PHF20: variants seen among roughly 807,000 people sequenced by gnomAD.
PHF20 encodes PHD finger protein 20.
Under a neutral mutation model 113.5 loss-of-function variants are expected in PHF20, and 23 were observed. The ratio of observed to expected loss-of-function variants is 0.20; its 90% CI spans 0.15 to 0.29. The LOEUF is 0.29. Among genes scored for constraint, PHF20 ranks in the 10% least tolerant of loss-of-function variants. PHF20 has a pLI of 1.00. For missense variants in PHF20, 943 were observed against 1,219.6 expected, an observed-to-expected ratio of 0.77 and a Z score of 3.38; for synonymous variants, 434 against 457.3, an observed-to-expected ratio of 0.95 and a Z score of 0.65.
At chr20:35,939,249 C>CA in intron 16 of PHF20, 141 bp downstream of exon 16, 1 of 1,005,046 alleles carries the variant, frequency 9.9e-7, no homozygotes, top group Admixed American at 3.4e-5. Context: ...TTTGGTTTGC[C>CA]AAAATGGGTG....
intron 15 of PHF20, among the ~76,000 whole-genome samples, chr20:35,935,368 C>G (rs548811973): frequency 2.9e-4 from 44 of 152,088 alleles, no homozygotes; most frequent in Non-Finnish European, 6.2e-4. Context: ...CTTGCCCTTT[C>G]TTTTTTTATG....
At chr20:35,892,198 C>T (rs921270564) in intron 9 of PHF20, among the ~76,000 whole-genome samples, 12 of 150,630 alleles carry the variant, frequency 8.0e-5, no homozygotes, top group African/African-American at 2.7e-4. Flanking sequence ...GATGGGACTA[C>T]AGGCATGCAC....
At chr20:35,829,895 G>A (rs111633860) in intron 2 of PHF20, among the ~76,000 whole-genome samples, 7 of 150,386 alleles carry the variant, frequency 4.7e-5, no homozygotes, top group African/African-American at 1.5e-4. Context: ...GAGCCACCAC[G>A]CCCAGCCCAA....
intron 4 of PHF20, among the ~76,000 whole-genome samples, chr20:35,852,006 C>T (rs1219583604): frequency 6.6e-6 from 1 of 152,088 alleles, no homozygotes; most frequent in East Asian, 1.9e-4. Context: ...AGGCCCTGTG[C>T]TAGGTTGTTT....
intron 1 of PHF20, among the ~76,000 whole-genome samples, chr20:35,782,760 T>C (rs925698138): frequency 6.6e-6 from 1 of 152,232 alleles, no homozygotes; most frequent in African/African-American, 2.4e-5. Context: ...AGGCAGAACT[T>C]TCCAGCCTAG....
intron 6 of PHF20, among the ~76,000 whole-genome samples, chr20:35,864,407 A>AACACACACACACACACACACAC (rs376477234): frequency 2.3e-5 from 3 of 132,428 alleles, no homozygotes; most frequent in Non-Finnish European, 1.6e-5. Flanking sequence ...CCCATCTCAA[A>AACACACACACACACACACACAC]ACACACACAC....
chr20:35,795,892 C>G (rs962354459), intron 1 of PHF20, among the ~76,000 whole-genome samples: 1 of 152,164 alleles, frequency 6.6e-6, no homozygotes, highest in East Asian at 1.9e-4. Context: ...ACTCTGTCGC[C>G]CAGGCTGGAG....
chr20:35,806,386 C>A (rs1402845438), intron 2 of PHF20, among the ~76,000 whole-genome samples: 1 of 151,016 alleles, frequency 6.6e-6, no homozygotes, highest in African/African-American at 2.4e-5. Flanking sequence ...GTCTTGAACT[C>A]CTGACCTCAA....
Position 35,943,746 on chromosome 20 carries a change from G to A in PHF20, c.2896+2699G>A, listed in dbSNP as rs545957716. On this transcript the variant is annotated intron_variant, in intron 17 of 17. Transcript: ENST00000374012. ...AGCAATTCTCCTGCTTCAGCCTCCC[G>A]AGTAGCTGGGATTATAGGTGCACAC... is the stretch of plus-strand genomic sequence containing the variant. Among the ~76,000 whole-genome samples the A allele has an allele frequency of 7.7e-4, 116 of 151,544 alleles. 1 individual carries two copies. The highest frequency in any genetic ancestry group is 2.7e-3 in the African/African-American group (111 of 41,326).
chr20:35,903,933 A>G (rs1257904194), intron 10 of PHF20, among the ~76,000 whole-genome samples: 2 of 152,174 alleles, frequency 1.3e-5, no homozygotes, highest in Non-Finnish European at 2.9e-5. Flanking sequence ...TTCTCCCATC[A>G]AAGCCTTGCC....
intron 9 of PHF20, among the ~76,000 whole-genome samples, chr20:35,876,591 C>G (rs768171709): frequency 6.6e-6 from 1 of 151,898 alleles, no homozygotes; most frequent in Non-Finnish European, 1.5e-5. Flanking sequence ...AATTAAAAAG[C>G]CAGAGACGAA....
chr20:35,864,064 C>T (rs529552049), intron 6 of PHF20, among the ~76,000 whole-genome samples: 145 of 152,232 alleles, frequency 9.5e-4, no homozygotes, highest in African/African-American at 3.5e-3. Context: ...GCCAAACACT[C>T]GTTCTCCAAA....
intron 1 of PHF20, among the ~76,000 whole-genome samples, chr20:35,792,987 C>A (rs2146850786): frequency 6.6e-6 from 1 of 152,290 alleles, no homozygotes; most frequent in East Asian, 1.9e-4. Flanking sequence ...CCTGTCTGTG[C>A]ACCCATCCCT....
rs144995266 is a variant in PHF20 at position 35,921,277 on chromosome 20, C to T, written c.2004+3615C>T. On this transcript the variant is annotated intron_variant, in intron 13 of 17. Coordinates refer to ENST00000374012, the MANE Select transcript of PHF20 (RefSeq NM_016436.5). ...AGCAATACAAAATTATGTGTGGTGG[C>T]GGGCTTCATTGTCTTAACATATGGC... 2.6e-3 allele frequency among the ~76,000 whole-genome samples: 390 copies of T among 151,682 alleles called. 3 individuals carry two copies. Among genetic ancestry groups the T allele is most frequent in the African/African-American group, 8.7e-3 (361 of 41,368 alleles).
At chr20:35,899,721 C>G (rs2055059778) in intron 10 of PHF20, 73 bp downstream of exon 10, 2 of 1,473,650 alleles carry the variant, frequency 1.4e-6, no homozygotes, top group Non-Finnish European at 9.3e-7. Flanking sequence ...TTTTCTGACA[C>G]ACAAAGCAGG....
chr20:35,918,339 G>A (rs537513462), intron 13 of PHF20, among the ~76,000 whole-genome samples: 2 of 152,202 alleles, frequency 1.3e-5, no homozygotes, highest in Non-Finnish European at 2.9e-5. Context: ...AAAAGTCATG[G>A]TTATATTGGT....
intron 6 of PHF20, among the ~76,000 whole-genome samples, chr20:35,866,045 A>G (rs2054314585): frequency 6.6e-6 from 1 of 151,964 alleles, no homozygotes; most frequent in Non-Finnish European, 1.5e-5. Flanking sequence ...CCCCATCTCT[A>G]CTAACAACAC....
chr20:35,892,131 C>T (rs1319964212), intron 9 of PHF20, among the ~76,000 whole-genome samples: 1 of 151,290 alleles, frequency 6.6e-6, no homozygotes, highest in Non-Finnish European at 1.5e-5. Flanking sequence ...GATATTGGTT[C>T]ACTGCAACCT....
chr20:35,926,230 A>ATTT (rs1186510585), intron 13 of PHF20, among the ~76,000 whole-genome samples: 25 of 53,000 alleles, frequency 4.7e-4, no homozygotes, highest in East Asian at 7.0e-4. Flanking sequence ...ACAGACTTTC[A>ATTT]TTTTTTTTTT....
Sources: gnomAD v4.1 joint callset for allele counts (sites outside exome capture counted in the v4.1 genomes callset) on GRCh38, gnomAD v4.1.1 for gene constraint, MANE v1.5 for transcripts, NCBI Gene and HGNC (gene_info 2026-07-23, HGNC 2026-07-21) for gene names.